GTF2IRD2B: variants seen among roughly 807,000 people sequenced by gnomAD.
GTF2IRD2B encodes general transcription factor II-I repeat domain-containing protein 2B.
Under a neutral mutation model 55.6 loss-of-function variants are expected in GTF2IRD2B, and 10 were observed. That is an observed-to-expected ratio of 0.18 (90% CI 0.11 to 0.31). GTF2IRD2B has a LOEUF of 0.31. Ranked by LOEUF, GTF2IRD2B falls within the 10% of genes least tolerant of loss-of-function variation. The probability of loss-of-function intolerance (pLI) is 1.00; values close to 1 mark genes in which losing one functional copy is unlikely to be tolerated. For missense variants in GTF2IRD2B, 206 were observed against 802.7 expected (o/e 0.26, Z 8.98); for synonymous variants, 107 against 320.5 (o/e 0.33, Z 7.12).
intron 1 of GTF2IRD2B, among the ~76,000 whole-genome samples, chr7:75,104,662 A>T (rs1360954403): frequency 2.6e-5 from 4 of 152,274 alleles, no homozygotes; most frequent in Admixed American, 6.5e-5. Context: ...ATGGAGCATG[A>T]TCTAAGGGAG....
intron 1 of GTF2IRD2B, among the ~76,000 whole-genome samples, chr7:75,096,703 G>A (rs1333429102): frequency 6.7e-6 from 1 of 149,424 alleles, no homozygotes; most frequent in Admixed American, 6.6e-5. Context: ...TGGGATTACA[G>A]GTGTGAGCCA....
chr7:75,101,297 C>T (rs1324336846), intron 1 of GTF2IRD2B, among the ~76,000 whole-genome samples: 9 of 150,894 alleles, frequency 6.0e-5, no homozygotes, highest in East Asian at 2.0e-4. Flanking sequence ...AGGCTGTACA[C>T]GGAGGCTCAT....
intron 8 of GTF2IRD2B, among the ~76,000 whole-genome samples, chr7:75,130,552 A>G (rs1229919157): frequency 6.6e-6 from 1 of 151,836 alleles, no homozygotes; most frequent in Non-Finnish European, 1.5e-5. Context: ...ATCTCAGCTC[A>G]CTGCAACTTC....
At chr7:75,118,093 G>A (rs1455214256) in intron 3 of GTF2IRD2B, among the ~76,000 whole-genome samples, 3 of 150,006 alleles carry the variant, frequency 2.0e-5, no homozygotes, top group Admixed American at 1.3e-4. Context: ...AAAAAAAAAA[G>A]GGAAAGGAAA....
intron 11 of GTF2IRD2B, among the ~76,000 whole-genome samples, chr7:75,137,234 A>ATTGAAATC (rs2115834716): frequency 6.6e-6 from 1 of 151,218 alleles, no homozygotes; most frequent in East Asian, 1.9e-4. Context: ...TGGGGAAGAG[A>ATTGAAATC]TTGAAATCTC....
chr7:75,123,106 C>T, intron 4 of GTF2IRD2B, 30 bp from the exon 5 acceptor site: 1 of 1,550,856 alleles, frequency 6.4e-7, no homozygotes. Context: ...TAGGTTCACA[C>T]CATCCAAAGA....
chr7:75,104,304 G>A (rs1174022542), intron 1 of GTF2IRD2B, among the ~76,000 whole-genome samples: 2 of 145,250 alleles, frequency 1.4e-5, no homozygotes, highest in Non-Finnish European at 1.6e-5. Flanking sequence ...TAGTAGAGAA[G>A]GGGGGGGTCT....
chr7:75,096,644 T>A (rs1807388350), intron 1 of GTF2IRD2B, among the ~76,000 whole-genome samples: 1 of 138,734 alleles, frequency 7.2e-6, no homozygotes, highest in African/African-American at 2.9e-5. Context: ...CAGGCTGATA[T>A]GGAACTCCTG....
chr7:75,105,518 C>G (rs1807765313), intron 1 of GTF2IRD2B, among the ~76,000 whole-genome samples: 1 of 151,234 alleles, frequency 6.6e-6, no homozygotes, highest in Non-Finnish European at 1.5e-5. Flanking sequence ...AACAAACAAA[C>G]AGACAACCAA....
rs1386326028 is a variant in GTF2IRD2B, at chr7:75,149,480, G to C, written c.*183G>C. 1.7e-6 allele frequency: 1 copy of C among 586,328 alleles called. No homozygotes were observed. The highest frequency in any genetic ancestry group is 1.9e-5 in the African/African-American group (1 of 53,382). The allele number at this position is 586,328 out of a possible 1,614,324, so 36.3% of individuals were successfully genotyped here. ...ACTGCAACTTCCAGCTCCTGGGTTC[G>C]AACGATTCTCCTGCCTCAGCCTCCC... On this transcript the variant is annotated 3_prime_UTR_variant, in exon 16 of 16. Transcript: ENST00000472837.
At chr7:75,110,653 T>G (rs1807944332) in intron 2 of GTF2IRD2B, among the ~76,000 whole-genome samples, 1 of 57,766 alleles carries the variant, frequency 1.7e-5, no homozygotes, top group Non-Finnish European at 5.5e-5. Flanking sequence ...GGAATTAATT[T>G]TAGAAGAAAG....
Position 75,148,129 on chromosome 7 carries a change from C to T in GTF2IRD2B, c.1682C>T (p.Thr561Ile). The change falls in exon 16 of 16, where the codon ACC (threonine) becomes ATC (isoleucine). Residue 561 changes from threonine (T) to isoleucine (I), a missense_variant. Coordinates refer to ENST00000472837, the MANE Select transcript of GTF2IRD2B (RefSeq NM_001003795.3). ...GAGATCACGGATATAAATAATACCA[C>T]CCAGTTGGCCATATTCATCCGTGGT... ...IDEITDINNT[T>I]QLAIFIRGVD... 6.2e-7 allele frequency: 1 copy of T among 1,612,908 alleles called. No homozygotes were observed. The highest frequency in any genetic ancestry group is 8.5e-7 in the Non-Finnish European group (1 of 1,179,290).
intron 8 of GTF2IRD2B, among the ~76,000 whole-genome samples, chr7:75,126,720 C>A (rs1324785629): frequency 1.4e-5 from 2 of 140,750 alleles, no homozygotes; most frequent in Admixed American, 7.2e-5. Context: ...AACAAGGCTG[C>A]GCACGGTGGA....
Position 75,092,593 on chromosome 7 carries a change from AAG to A in GTF2IRD2B, c.-174_-173del, listed in dbSNP as rs1428063713. 6.6e-6 allele frequency: 1 copy of A among 152,598 alleles called. No homozygotes were observed. The highest frequency in any genetic ancestry group is 2.4e-5 in the African/African-American group (1 of 41,482). The allele number at this position is 152,598 out of a possible 1,614,324, so 9.5% of individuals were successfully genotyped here. On this transcript the variant is annotated 5_prime_UTR_variant, in exon 1 of 16. Transcript: ENST00000472837. ...GGGGGAAAAGGGGGGGAAAGAAAGAAAGAGAAAAAGGAGGGCGAGTGGCGAGC... is the reference window on the plus strand; with the variant it reads ...GGGGGAAAAGGGGGGGAAAGAAAGAAAGAAAAAGGAGGGCGAGTGGCGAGC...
At chr7:75,138,533 GGTGGGTGTCT>G (rs1808920838) in intron 11 of GTF2IRD2B, among the ~76,000 whole-genome samples, 1 of 137,188 alleles carries the variant, frequency 7.3e-6, no homozygotes, top group South Asian at 2.2e-4. Context: ...TGGGCATGGT[GGTGGGTGTCT>G]GTAATCCCAG....
At chr7:75,137,323 T>C (rs1164200417) in intron 11 of GTF2IRD2B, among the ~76,000 whole-genome samples, 1 of 149,592 alleles carries the variant, frequency 6.7e-6, no homozygotes, top group Admixed American at 6.7e-5. Context: ...GTAGACAACA[T>C]AATTAGCTGT....
chr7:75,104,653 T>G (rs1807712111), intron 1 of GTF2IRD2B, among the ~76,000 whole-genome samples: 1 of 152,274 alleles, frequency 6.6e-6, no homozygotes, highest in Non-Finnish European at 1.5e-5. Context: ...AGAATCAGGA[T>G]GGAGCATGAT....
chr7:75,102,490 G>A (rs1807608351), intron 1 of GTF2IRD2B, among the ~76,000 whole-genome samples: 1 of 151,428 alleles, frequency 6.6e-6, no homozygotes, highest in African/African-American at 2.4e-5. Context: ...AAGGTCAGAA[G>A]TGAAACATTC....
intron 1 of GTF2IRD2B, among the ~76,000 whole-genome samples, chr7:75,105,472 C>G (rs1435306993): frequency 6.2e-4 from 94 of 152,382 alleles, no homozygotes; most frequent in Non-Finnish European, 9.6e-4. Flanking sequence ...CCACTGCACT[C>G]TAGCCTGGGT....
Sources: allele counts gnomAD v4.1 joint callset (sites outside exome capture counted in the v4.1 genomes callset), GRCh38; gene constraint gnomAD v4.1.1; transcripts MANE v1.5; gene names NCBI Gene and HGNC (gene_info 2026-07-23, HGNC 2026-07-21).